Variants in SLIT3 observed in about 807,000 individuals in gnomAD.
SLIT3 encodes the protein slit homolog 3 protein.
SLIT3 carries 68 observed loss-of-function variants against 184.0 expected under a neutral mutation model. The observed-to-expected ratio is 0.37, with a 90% CI of 0.30 to 0.45. The LOEUF (loss-of-function observed/expected upper bound fraction) is 0.45, where lower values mean the gene tolerates loss of function less well. SLIT3 is among the 20% of genes least tolerant of loss of function. SLIT3 has a pLI of 1.00. For missense variants in SLIT3, 1,707 were observed against 2,026.0 expected (o/e 0.84, Z 3.02); for synonymous variants, 831 against 828.6 (o/e 1.00, Z -0.05).
At chr5:169,214,493 G>C (rs937830499) in intron 3 of SLIT3, among the ~76,000 whole-genome samples, 3 of 152,214 alleles carry the variant, frequency 2.0e-5, no homozygotes, top group Admixed American at 6.5e-5. Context: ...AGGGTGACTG[G>C]GAGGGCCCTC....
rs768725064 is a variant in SLIT3 at position 168,710,909 on chromosome 5, C to T, written c.2705G>A (p.Arg902His). The change falls in exon 25 of 36, where the codon CGC becomes CAC. Residue 902 changes from arginine to histidine, a missense_variant. Coordinates refer to ENST00000519560, the MANE Select transcript of SLIT3 (RefSeq NM_003062.4). Reference protein sequence around the residue: ...DRLLLTTPTHRFQCKGPVDIN... With the variant: ...DRLLLTTPTHHFQCKGPVDIN... ...GCGTCACCTACCTTTGCACTGGAAG[C>T]GGTGGGTTGGGGTGGTGAGCAGGAG... 2.4e-5 allele frequency: 37 copies of T among 1,546,974 alleles called. No individual in the cohort carries two copies. The highest frequency in any genetic ancestry group is 4.7e-5 in the East Asian group (2 of 42,116).
rs193241132 is a variant in SLIT3 at position 168,903,381 on chromosome 5, G to A, written c.414-20045C>T. On this transcript the variant is annotated intron_variant, in intron 4 of 35. Transcript: ENST00000519560. ...TTCCAGCACAGTTTTCCCTGTCAGG[G>A]CTTTAGTTATTTTGGCATTTTCTGA... Among the ~76,000 whole-genome samples, 24 of 152,154 alleles carry A rather than the reference G, an allele frequency of 1.6e-4. No individual in the cohort carries two copies. The South Asian group carries it at 2.9e-3, about 18-fold the overall frequency.
intron 4 of SLIT3, among the ~76,000 whole-genome samples, chr5:168,901,257 G>A (rs950329086): frequency 6.6e-6 from 1 of 152,054 alleles, no homozygotes; most frequent in Non-Finnish European, 1.5e-5. Context: ...CCAGCTACTC[G>A]GGAGGCTGAG....
At chr5:169,028,307 A>C (rs1675589093) in intron 4 of SLIT3, among the ~76,000 whole-genome samples, 1 of 152,042 alleles carries the variant, frequency 6.6e-6, no homozygotes, top group African/African-American at 2.4e-5. Flanking sequence ...TATCACCTAG[A>C]ACTGCGTCTA....
chr5:169,280,461 G>C (rs899580143), intron 1 of SLIT3, among the ~76,000 whole-genome samples: 5 of 152,140 alleles, frequency 3.3e-5, no homozygotes, highest in African/African-American at 1.2e-4. Context: ...CTCGTCTCAG[G>C]CAGAAGCACA....
intron 4 of SLIT3, among the ~76,000 whole-genome samples, chr5:169,184,013 T>G (rs757524397): frequency 7.2e-5 from 11 of 152,258 alleles, no homozygotes; most frequent in Non-Finnish European, 1.5e-4. Flanking sequence ...ACTCTTCTGC[T>G]GGCCCACAGG....
In SLIT3 at chr5:168,692,975, C is replaced by T. The variant is rs116428140; in HGVS notation, c.3083-275G>A. On this transcript the variant is annotated intron_variant, in intron 28 of 35. Coordinates refer to ENST00000519560, the MANE Select transcript of SLIT3 (RefSeq NM_003062.4). ...CATTTGGCTGTTTTACTTGATCTTT[C>T]AGGGGCAGGGGCAGGTGCAGCTGAG... 2.8e-3 allele frequency among the ~76,000 whole-genome samples: 432 copies of T among 152,296 alleles called. 1 individual carries two copies. Among genetic ancestry groups the T allele is most frequent in the African/African-American group, 9.6e-3 (400 of 41,562 alleles).
At chr5:168,755,997 G>T (rs1409067620) in intron 16 of SLIT3, among the ~76,000 whole-genome samples, 1 of 152,208 alleles carries the variant, frequency 6.6e-6, no homozygotes, top group African/African-American at 2.4e-5. Flanking sequence ...TTAGCTCAGG[G>T]GAGAGTCCAG....
intron 4 of SLIT3, among the ~76,000 whole-genome samples, chr5:169,077,430 T>C (rs1435064411): frequency 6.6e-6 from 1 of 151,862 alleles, no homozygotes; most frequent in Non-Finnish European, 1.5e-5. Context: ...TCCCAGCTAC[T>C]TGGGAAGCTG....
Position 169,163,469 on chromosome 5 carries a change from C to T in SLIT3, c.413+30010G>A, listed in dbSNP as rs531504283. 4.1e-4 allele frequency among the ~76,000 whole-genome samples: 63 copies of T among 152,296 alleles called. 1 individual carries two copies. Among genetic ancestry groups the T allele is most frequent in the African/African-American group, 1.4e-3 (60 of 41,556 alleles). On this transcript the variant is annotated intron_variant, in intron 4 of 35. Transcript: ENST00000519560. ...ATACATGAGTACCTTAATCCCGACA[C>T]AGGCTTTCTGAGCCAGGCTCTGTTT...
intron 4 of SLIT3, among the ~76,000 whole-genome samples, chr5:168,905,364 T>G (rs879183586): frequency 6.6e-6 from 1 of 152,210 alleles, no homozygotes; most frequent in African/African-American, 2.4e-5. Context: ...ACCTGTATGC[T>G]TGCTGGTGCA....
At chr5:169,071,332 C>A (rs1377068394) in intron 4 of SLIT3, among the ~76,000 whole-genome samples, 1 of 152,098 alleles carries the variant, frequency 6.6e-6, no homozygotes. Context: ...CCAATAAAAT[C>A]ATTTCTCCAC....
At position 168,766,279 on chromosome 5, in the gene SLIT3, AAAAG is replaced by A. The variant is rs1755342771; in HGVS notation, c.1460-3594_1460-3591del. 2.0e-5 allele frequency among the ~76,000 whole-genome samples: 3 copies of A among 152,350 alleles called. No individual in the cohort carries two copies. The South Asian group carries it at 6.2e-4, about 32-fold the overall frequency. On this transcript the variant is annotated intron_variant, in intron 14 of 35. Coordinates refer to ENST00000519560, the MANE Select transcript of SLIT3 (RefSeq NM_003062.4). Reference sequence around the variant, plus strand: ...CCAATATCCCTAAGATGAGTGGAATAAAAGAAAGGAGGAAAGAAGCAGAAAGAGG... The same window carrying A: ...CCAATATCCCTAAGATGAGTGGAATAAAAGGAGGAAAGAAGCAGAAAGAGG...
intron 4 of SLIT3, among the ~76,000 whole-genome samples, chr5:168,887,666 G>C (rs990601440): frequency 1.3e-5 from 2 of 152,152 alleles, no homozygotes; most frequent in African/African-American, 4.8e-5. Context: ...CATACGGATA[G>C]TGCGCCCAGA....
At chr5:168,780,763 T>C (rs1012154755) in intron 12 of SLIT3, among the ~76,000 whole-genome samples, 6 of 152,352 alleles carry the variant, frequency 3.9e-5, no homozygotes, top group Admixed American at 3.3e-4. Flanking sequence ...CTTTATCCAT[T>C]AATTGTAATA....
At chr5:168,782,624 A>C (rs1000361229) in intron 12 of SLIT3, among the ~76,000 whole-genome samples, 5 of 152,114 alleles carry the variant, frequency 3.3e-5, no homozygotes, top group Admixed American at 2.6e-4. Context: ...TTTCTCTAAT[A>C]ATTGAGCTGC....
At chr5:168,670,187 G>A (rs1008949986) in intron 34 of SLIT3, among the ~76,000 whole-genome samples, 196 bp from the exon 35 acceptor site, 1 of 152,240 alleles carries the variant, frequency 6.6e-6, no homozygotes, top group Non-Finnish European at 1.5e-5. Context: ...GCCTGCGAGT[G>A]TCACCCAGTG....
At chr5:169,295,318 G>T (rs1172864753) in intron 1 of SLIT3, among the ~76,000 whole-genome samples, 4 of 152,160 alleles carry the variant, frequency 2.6e-5, no homozygotes, top group Admixed American at 2.6e-4. Flanking sequence ...CCCCCAATGG[G>T]GTAGAGTCAT....
chr5:168,753,898 G>A lies in SLIT3; in HGVS notation c.1795C>T (p.Arg599Cys), dbSNP rs542537536. Residue 599 changes from arginine to cysteine, a missense_variant, in exon 17 of 36, where the codon CGC (arginine) becomes TGC (cysteine). This residue lies in a region of SLIT3 where 1,307 missense variants were observed against 1,511.6 expected (regional missense o/e 0.86). Transcript: ENST00000519560. ...TGNQLETVHG[R>C]VFRGLSGLKT... Reference sequence around the variant, plus strand: ...AGGCCACTGAGGCCACGGAACACGCGCCCGTGCACGGTCTCCAGCTGGTTC... The same window carrying A: ...AGGCCACTGAGGCCACGGAACACGCACCCGTGCACGGTCTCCAGCTGGTTC... 8 of 1,611,770 alleles carry A rather than the reference G, an allele frequency of 5.0e-6. No individual in the cohort carries two copies. The highest frequency in any genetic ancestry group is 4.5e-5 in the East Asian group (2 of 44,888).
Sources: allele counts gnomAD v4.1 joint callset (sites outside exome capture counted in the v4.1 genomes callset), GRCh38; gene constraint gnomAD v4.1.1; regional missense constraint gnomAD v4.1.1; transcripts MANE v1.5; gene names NCBI Gene and HGNC (gene_info 2026-07-23, HGNC 2026-07-21).